The following TMEM273 variants were observed in gnomAD, a reference collection of about 807,000 sequenced individuals.
TMEM273 encodes the protein chromosome 10 open reading frame 128.
In TMEM273, 19 loss-of-function variants were observed where a neutral mutation model predicts 17.9. That is an observed-to-expected ratio of 1.06 (90% CI 0.74 to 1.55). The LOEUF (loss-of-function observed/expected upper bound fraction) is 1.55. Ranked by LOEUF, TMEM273 falls within the 40% of genes most tolerant of loss-of-function variation. The probability of loss-of-function intolerance (pLI) is 0.00; values close to 1 mark genes in which losing one functional copy is unlikely to be tolerated. For missense variants in TMEM273, 194 were observed against 155.6 expected (o/e 1.25, Z -1.31); for synonymous variants, 66 against 62.0 (o/e 1.07, Z -0.31).
intron 6 of TMEM273, chr10:49,160,542 T>G (rs564561374): frequency 6.6e-5 from 10 of 152,322 alleles, no homozygotes; most frequent in African/African-American, 2.4e-4. Context: ...ATATTTTTTC[T>G]GGATTGGAAA....
At chr10:49,167,856 G>T in intron 2 of TMEM273, 53 bp downstream of exon 2, 1 of 1,603,472 alleles carries the variant, frequency 6.2e-7, no homozygotes, top group Non-Finnish European at 8.5e-7. Context: ...TGTCTTGGGA[G>T]CTTCCTTCCT....
At chr10:49,169,418 CTG>C (rs1296122215) in intron 1 of TMEM273, among the ~76,000 whole-genome samples, 1 of 152,194 alleles carries the variant, frequency 6.6e-6, no homozygotes, top group African/African-American at 2.4e-5. Context: ...CAGCTTTGCT[CTG>C]TGTGTGTTTG....
In TMEM273 at chr10:49,158,481, C is replaced by T. The variant is rs191793578; in HGVS notation, c.373-2572G>A. Among the ~76,000 whole-genome samples, 83 of 152,100 alleles carry T rather than the reference C, an allele frequency of 5.5e-4. No individual in the cohort carries two copies. In the Middle Eastern group the frequency reaches 0.01, roughly 19 times the overall value. On this transcript the variant is annotated intron_variant, in intron 6 of 6. Transcript: ENST00000374153. ...TCTGAAGTTGATTCTAAAGTTCATA[C>T]GGAAAAATAAATATGAAAGAATAGC... is the stretch of plus-strand genomic sequence containing the variant.
chr10:49,156,565 T>A (rs1254586041), intron 6 of TMEM273, among the ~76,000 whole-genome samples: 2 of 152,202 alleles, frequency 1.3e-5, no homozygotes, highest in African/African-American at 4.8e-5. Context: ...CACATAGACA[T>A]CTAGAATATA....
At chr10:49,165,667 G>C in intron 4 of TMEM273, 99 bp downstream of exon 4, 1 of 1,522,846 alleles carries the variant, frequency 6.6e-7, no homozygotes, top group Non-Finnish European at 9.1e-7. Context: ...AAGCATGCCA[G>C]AGTGCAGAGA....
intron 6 of TMEM273, among the ~76,000 whole-genome samples, chr10:49,158,766 A>G (rs151208719): frequency 7.2e-5 from 11 of 152,344 alleles, no homozygotes; most frequent in African/African-American, 2.4e-4. Flanking sequence ...AAAAAATAGT[A>G]TCGGAATAAT....
Position 49,171,133 on chromosome 10 carries a change from G to A in TMEM273, c.44-3171C>T, listed in dbSNP as rs114210302. Among the ~76,000 whole-genome samples, 667 of 152,376 alleles carry A rather than the reference G, an allele frequency of 4.4e-3. 4 individuals are homozygous for A. The highest frequency in any genetic ancestry group is 0.014 in the African/African-American group (601 of 41,588). ...AGGAGGAGGGAGCTTGGCACCCACA[G>A]GAGAGTCCTAGGGGACTGAGGTAAG... On this transcript the variant is annotated intron_variant, in intron 1 of 6. Coordinates refer to ENST00000374153, the MANE Select transcript of TMEM273 (RefSeq NM_001288740.3).
intron 1 of TMEM273, among the ~76,000 whole-genome samples, chr10:49,177,357 T>C (rs1847049468): frequency 6.6e-6 from 1 of 152,256 alleles, no homozygotes; most frequent in Admixed American, 6.5e-5. Flanking sequence ...ATTCGGGTCC[T>C]CACTTTCAGC....
intron 2 of TMEM273, 21 bp from the exon 3 acceptor site, chr10:49,167,030 G>T (rs751567139): frequency 1.9e-6 from 3 of 1,612,320 alleles, no homozygotes; most frequent in Admixed American, 3.3e-5. Context: ...GGGAGGAATT[G>T]AACACCCGGT....
intron 6 of TMEM273, chr10:49,156,258 T>G (rs1442674534): frequency 1.5e-6 from 2 of 1,349,412 alleles, no homozygotes; most frequent in African/African-American, 3.0e-5. Context: ...TCTGGCCAGA[T>G]GCTACGAGGA....
At chr10:49,174,769 G>A (rs751241884) in intron 1 of TMEM273, among the ~76,000 whole-genome samples, 9 of 152,080 alleles carry the variant, frequency 5.9e-5, no homozygotes, top group African/African-American at 9.7e-5. Context: ...TCCATGGACC[G>A]CCCCCCATCC....
intron 1 of TMEM273, among the ~76,000 whole-genome samples, chr10:49,170,143 A>G (rs1012991737): frequency 6.6e-6 from 1 of 152,250 alleles, no homozygotes; most frequent in African/African-American, 2.4e-5. Context: ...CTCAGGTTAG[A>G]AAGGGTGAGA....
intron 1 of TMEM273, among the ~76,000 whole-genome samples, chr10:49,180,583 A>C (rs941433597): frequency 2.2e-4 from 33 of 152,222 alleles, no homozygotes; most frequent in African/African-American, 7.5e-4. Context: ...TCATAACATC[A>C]AATCCAAAAT....
At chr10:49,161,896 A>G (rs566822776) in intron 5 of TMEM273, among the ~76,000 whole-genome samples, 1 of 152,272 alleles carries the variant, frequency 6.6e-6, no homozygotes, top group South Asian at 2.1e-4. Context: ...ATTAATTATC[A>G]GGGGTATAAA....
rs35480919 is a variant in TMEM273, at chr10:49,186,068, G to GGAAGAAGAAGAAGAA, written c.43+2211_43+2225dup. On this transcript the variant is annotated intron_variant, in intron 1 of 6. Transcript: ENST00000374153. ...AAGAAGAAGAGGAAGAAGAAGAAGA[G>GGAAGAAGAAGAAGAA]GAAGAAGAAGAAGAAGAAGAAGAAG... 1.8e-3 allele frequency among the ~76,000 whole-genome samples: 119 copies of GGAAGAAGAAGAAGAA among 67,134 alleles called. 4 individuals are homozygous for GGAAGAAGAAGAAGAA. The highest frequency in any genetic ancestry group is 4.1e-3 in the African/African-American group (81 of 19,784). The allele number at this position is 67,134 out of a possible 152,430, so 44.0% of individuals were successfully genotyped here. A position where few individuals can be genotyped will look rare whatever the true frequency, so the allele number is the denominator to read the frequency against.
At chr10:49,162,061 C>T (rs1564621769) in intron 5 of TMEM273, among the ~76,000 whole-genome samples, 1 of 152,158 alleles carries the variant, frequency 6.6e-6, no homozygotes, top group Non-Finnish European at 1.5e-5. Flanking sequence ...GCCATCTTTC[C>T]TGGATTATGG....
rs1208683179 is a variant in TMEM273, at chr10:49,155,044, C to T, written c.*848G>A. 2 of 152,226 alleles carry T rather than the reference C, an allele frequency of 1.3e-5. No homozygotes were observed. Among genetic ancestry groups the T allele is most frequent in the Non-Finnish European group, 1.5e-5 (1 of 68,048 alleles). 9.4% of individuals were successfully genotyped at this position (152,226 alleles called of 1,614,324 possible). On this transcript the variant is annotated 3_prime_UTR_variant, in exon 7 of 7. Transcript: ENST00000374153. ...GTTAATATTACAAGGGAGAGAAATG[C>T]TCACGGGGCCTTAGCCTGATGGCAA...
chr10:49,163,728 GA>G (rs1452570825), intron 5 of TMEM273, among the ~76,000 whole-genome samples: 1 of 152,186 alleles, frequency 6.6e-6, no homozygotes, highest in Non-Finnish European at 1.5e-5. Context: ...GTCAGAAACA[GA>G]AGGAGAGATG....
In TMEM273 at chr10:49,155,719, A is replaced by G; in HGVS notation, c.*173T>C. 1 of 857,916 alleles carries G rather than the reference A, an allele frequency of 1.2e-6. No individual in the cohort carries two copies. Among genetic ancestry groups the G allele is most frequent in the Non-Finnish European group, 1.8e-6 (1 of 554,058 alleles). 53.1% of individuals were successfully genotyped at this position (857,916 alleles called of 1,614,324 possible). A position where few individuals can be genotyped will look rare whatever the true frequency, so the allele number is the denominator to read the frequency against. The stretch of plus-strand genomic sequence containing the variant: ...CAGAAGAGGCATGATATTTTCCTTC[A>G]GGACAGAGGCACTGTATATTCTATT... On this transcript the variant is annotated 3_prime_UTR_variant, in exon 7 of 7. Transcript: ENST00000374153.
Sources: gnomAD v4.1 joint callset for allele counts (sites outside exome capture counted in the v4.1 genomes callset) on GRCh38, gnomAD v4.1.1 for gene constraint, MANE v1.5 for transcripts, NCBI Gene and HGNC (gene_info 2026-07-23, HGNC 2026-07-21) for gene names.